TUBA1C: variants seen among roughly 807,000 people sequenced by gnomAD.
The protein encoded by TUBA1C is tubulin alpha 1c, also known as tubulin alpha-1C chain.
A neutral mutation model predicts 34.9 loss-of-function variants in TUBA1C; 16 were observed. The ratio of observed to expected loss-of-function variants is 0.46; its 90% CI spans 0.31 to 0.70. TUBA1C has a LOEUF of 0.70. Ranked by LOEUF, TUBA1C falls within the 30% of genes least tolerant of loss-of-function variation. The pLI is 0.05. For synonymous variants in TUBA1C, 177 were observed against 215.9 expected, an observed-to-expected ratio of 0.82 and a Z score of 1.58; for missense variants, 329 against 587.3, an observed-to-expected ratio of 0.56 and a Z score of 4.55.
upstream of TUBA1C, chr12:49,265,055 A>G: frequency 7.6e-7 from 1 of 1,314,716 alleles, no homozygotes; most frequent in East Asian, 2.9e-5. Flanking sequence ...CGGGTATATA[A>G]GGCCCTTCGG....
At chr12:49,261,133 G>C (rs1342187401), upstream of TUBA1C, among the ~76,000 whole-genome samples, 7 of 152,056 alleles carry the variant, frequency 4.6e-5, no homozygotes, top group Admixed American at 1.3e-4. Flanking sequence ...CAGATCACCT[G>C]AGGTCAGGAG....
Position 49,255,141 on chromosome 12 carries a change from C to T in TUBA1C, c.214-14324C>T, listed in dbSNP as rs562299141. ...CACCAAATGCAGATGGAGAAACTCA[C>T]CCAAAATACAACTACGGACCTTGCC... On this transcript the variant is annotated intron_variant, in intron 1 of 3. Coordinates refer to the TUBA1C transcript ENST00000541364. Among the ~76,000 whole-genome samples, 17 of 151,956 alleles carry T rather than the reference C, an allele frequency of 1.1e-4. No individual in the cohort carries two copies. In the East Asian group the frequency reaches 3.1e-3, roughly 28 times the overall value.
chr12:49,236,292 T>C (rs1268265668), intron 1 of TUBA1C, among the ~76,000 whole-genome samples: 1 of 152,220 alleles, frequency 6.6e-6, no homozygotes, highest in Non-Finnish European at 1.5e-5. Flanking sequence ...TGCACTTTGT[T>C]AAAGTCCATA....
At chr12:49,240,077 C>T (rs1565639565) in intron 1 of TUBA1C, among the ~76,000 whole-genome samples, 1 of 149,236 alleles carries the variant, frequency 6.7e-6, no homozygotes, top group African/African-American at 2.5e-5. Flanking sequence ...CACACACACA[C>T]CCTGCCTTTT....
chr12:49,256,365 C>A (rs1942784539), intron 1 of TUBA1C: 2 of 438,510 alleles, frequency 4.6e-6, no homozygotes. Flanking sequence ...TTGTTTTGAA[C>A]AAAAATTATT....
intron 1 of TUBA1C, among the ~76,000 whole-genome samples, chr12:49,237,469 G>A (rs1228559329): frequency 6.7e-6 from 1 of 148,532 alleles, no homozygotes; most frequent in Non-Finnish European, 1.5e-5. Context: ...TGGGCTGGAT[G>A]TGGTGGCTCA....
intron 1 of TUBA1C, among the ~76,000 whole-genome samples, chr12:49,242,526 G>T (rs752435275): frequency 3.9e-5 from 6 of 152,054 alleles, no homozygotes; most frequent in Admixed American, 6.6e-5. Context: ...GGAGTGCAGT[G>T]GCACAATCCT....
At chr12:49,235,732 C>CA (rs567880656) in intron 1 of TUBA1C, among the ~76,000 whole-genome samples, 3,884 of 66,950 alleles carry the variant, frequency 0.058, 77 homozygotes, top group Non-Finnish European at 0.066. Flanking sequence ...GACTCGGTCT[C>CA]AAAAAAAAAA....
chr12:49,273,916 C>A lies in TUBA1C; in HGVS notation c.*689C>A, dbSNP rs1475253210. ...ACCAGCCTGGGCAACATGGTGAAAACCCATCTCTACCAAAACAAAAATTTG... is the reference window on the plus strand; with the variant it reads ...ACCAGCCTGGGCAACATGGTGAAAAACCATCTCTACCAAAACAAAAATTTG... On this transcript the variant is annotated 3_prime_UTR_variant, in exon 4 of 4. Coordinates refer to ENST00000301072, the MANE Select transcript of TUBA1C (RefSeq NM_032704.5). 1 of 153,782 alleles carries A rather than the reference C, an allele frequency of 6.5e-6. No individual in the cohort carries two copies. Among genetic ancestry groups the A allele is most frequent in the East Asian group, 1.9e-4 (1 of 5,212 alleles). The allele number at this position is 153,782 out of a possible 1,614,324, so 9.5% of individuals were successfully genotyped here.
intron 1 of TUBA1C, among the ~76,000 whole-genome samples, chr12:49,259,712 A>G (rs1565646166): frequency 6.6e-6 from 1 of 152,224 alleles, no homozygotes; most frequent in Non-Finnish European, 1.5e-5. Flanking sequence ...ATGGCTGTAC[A>G]TGAGTAAGAA....
chr12:49,238,065 T>A (rs1405820641), intron 1 of TUBA1C, among the ~76,000 whole-genome samples: 1 of 146,198 alleles, frequency 6.8e-6, no homozygotes, highest in African/African-American at 2.7e-5. Context: ...GCCAAGATTG[T>A]TCCACTGCAC....
chr12:49,230,766 A>C (rs1366331721), intron 1 of TUBA1C, among the ~76,000 whole-genome samples: 1 of 152,158 alleles, frequency 6.6e-6, no homozygotes, highest in Non-Finnish European at 1.5e-5. Context: ...TAATAAATGG[A>C]GCTATGGAGG....
chr12:49,268,363 T>C (rs538868031), intron 1 of TUBA1C, among the ~76,000 whole-genome samples: 26 of 152,078 alleles, frequency 1.7e-4, no homozygotes, highest in African/African-American at 5.8e-4. Context: ...TCTCCCAAAG[T>C]CCTGGGATTA....
chr12:49,255,666 C>T (rs1255835452), intron 1 of TUBA1C, among the ~76,000 whole-genome samples: 3 of 152,126 alleles, frequency 2.0e-5, no homozygotes, highest in African/African-American at 2.4e-5. Context: ...TCAAGCGATT[C>T]TCCATTCTTG....
At chr12:49,250,236 A>G (rs773988131) in intron 1 of TUBA1C, among the ~76,000 whole-genome samples, 2 of 151,118 alleles carry the variant, frequency 1.3e-5, no homozygotes, top group African/African-American at 4.9e-5. Flanking sequence ...AAAAAAGAGA[A>G]GACACTGGCT....
chr12:49,272,292 C>T lies in TUBA1C; in HGVS notation c.415C>T (p.His139Tyr), dbSNP rs1343957910. 1 of 1,613,308 alleles carries T rather than the reference C, an allele frequency of 6.2e-7. No homozygotes were observed. The highest frequency in any genetic ancestry group is 1.3e-5 in the African/African-American group (1 of 74,846). ...CTGLQGFLVFHSFGGGTGSGF... is the reference protein window; with the variant it reads ...CTGLQGFLVFYSFGGGTGSGF... The stretch of plus-strand genomic sequence containing the variant: ...CGGTCTTCAGGGCTTCTTGGTTTTC[C>T]ACAGCTTTGGTGGGGGAACTGGTTC... The change falls in exon 4 of 4, where the codon CAC becomes TAC. Residue 139 changes from histidine (H) to tyrosine (Y), a missense_variant. By Grantham distance (83) the His-to-Tyr change is moderately conservative. This residue lies in a region of TUBA1C where 152 missense variants were observed against 240.3 expected (regional missense o/e 0.63). Transcript: ENST00000301072.
chr12:49,263,606 G>C (rs974129279), upstream of TUBA1C, among the ~76,000 whole-genome samples: 2 of 152,062 alleles, frequency 1.3e-5, no homozygotes, highest in African/African-American at 4.8e-5. Context: ...GGACTTACAG[G>C]CATGAGCCAC....
In TUBA1C at chr12:49,273,116, G is replaced by A. The variant is rs1327435649; in HGVS notation, c.1239G>A (p.Met413Ile). Residue 413 changes from methionine to isoleucine, a missense_variant, in exon 4 of 4, where the codon ATG becomes ATA. Met to Ile is a conservative substitution (Grantham distance 10). Around this residue, in one of 4 missense-constraint regions of TUBA1C, gnomAD observed 140 missense variants for 289.8 expected, o/e 0.48. Coordinates refer to ENST00000301072, the MANE Select transcript of TUBA1C (RefSeq NM_032704.5). ...TTCACTGGTACGTGGGTGAGGGGATGGAGGAAGGCGAGTTTTCAGAGGCCC... is the reference window on the plus strand; with the variant it reads ...TTCACTGGTACGTGGGTGAGGGGATAGAGGAAGGCGAGTTTTCAGAGGCCC... ...AFVHWYVGEG[M>I]EEGEFSEARE... 2 of 1,614,234 alleles carry A rather than the reference G, an allele frequency of 1.2e-6. No individual in the cohort carries two copies. The highest frequency in any genetic ancestry group is 1.7e-5 in the Admixed American group (1 of 60,030).
chr12:49,250,388 G>A (rs1177780938), intron 1 of TUBA1C, among the ~76,000 whole-genome samples: 2 of 151,766 alleles, frequency 1.3e-5, no homozygotes, highest in African/African-American at 2.4e-5. Flanking sequence ...GTCGGGCATG[G>A]TGGCGGGCAC....
Sources: allele counts gnomAD v4.1 joint callset (sites outside exome capture counted in the v4.1 genomes callset), GRCh38; gene constraint gnomAD v4.1.1; regional missense constraint gnomAD v4.1.1; transcripts MANE v1.5; gene names NCBI Gene and HGNC (gene_info 2026-07-23, HGNC 2026-07-21).